Variants in DPF3 observed in about 807,000 individuals in gnomAD.
The protein encoded by DPF3 is double PHD fingers 3, also known as zinc finger protein DPF3.
Under a neutral mutation model 56.8 loss-of-function variants are expected in DPF3, and 18 were observed. The observed-to-expected ratio is 0.32, with a 90% CI of 0.22 to 0.47. The LOEUF is 0.47. Among genes scored for constraint, DPF3 ranks in the 20% least tolerant of loss-of-function variants. The probability of loss-of-function intolerance (pLI) is 1.00; values close to 1 mark genes in which losing one functional copy is unlikely to be tolerated. For synonymous variants in DPF3, 188 were observed against 180.2 expected (o/e 1.04, Z -0.35); for missense variants, 403 against 488.8 (o/e 0.82, Z 1.65).
intron 1 of DPF3, among the ~76,000 whole-genome samples, chr14:72,832,192 GGGCAACAGAGTAA>G (rs1176781635): frequency 1.2e-4 from 18 of 152,120 alleles, no homozygotes; most frequent in African/African-American, 4.1e-4. Context: ...ACTCTAGCCT[GGGCAACAGAGTAA>G]GACCATGTTT....
rs959708330 is a variant in DPF3 at position 72,828,541 on chromosome 14, A to AAAAAAC, written c.33-56649_33-56648insGTTTTT. 5.5e-4 allele frequency among the ~76,000 whole-genome samples: 83 copies of AAAAAAC among 151,208 alleles called. 2 individuals carry two copies. The highest frequency in any genetic ancestry group is 1.1e-3 in the Non-Finnish European group (72 of 67,738). Reference sequence around the variant, plus strand: ...CAACAAAGTGAGACCATGTCTTAAAAAAAAAAAAAAACTTAATATGATTTT... The same window carrying AAAAAAC: ...CAACAAAGTGAGACCATGTCTTAAAAAAAAACAAAAAAAAAAACTTAATATGATTTT... On this transcript the variant is annotated intron_variant, in intron 1 of 10. Transcript: ENST00000556509.
chr14:72,836,519 G>T lies in DPF3; in HGVS notation c.32+57538C>A, dbSNP rs1884302042. The T allele has an allele frequency of 6.1e-6, 6 of 985,246 alleles. No homozygotes were observed. The South Asian group carries it at 2.8e-4, about 46-fold the overall frequency. 61.0% of individuals were successfully genotyped at this position (985,246 alleles called of 1,614,324 possible). A position where few individuals can be genotyped will look rare whatever the true frequency, so the allele number is the denominator to read the frequency against. ...CCCTTGGGGTTCTGACCACCTCGTG[G>T]GGAGATTATGATTGCCCTGTGGTTG... is the stretch of plus-strand genomic sequence containing the variant. On this transcript the variant is annotated intron_variant, in intron 1 of 10. Coordinates refer to ENST00000556509, the MANE Select transcript of DPF3 (RefSeq NM_001280542.3).
rs751035173 is a variant in DPF3 at position 72,807,976 on chromosome 14, C to T, written c.33-36083G>A. Among the ~76,000 whole-genome samples, 19 of 152,186 alleles carry T rather than the reference C, an allele frequency of 1.2e-4. No individual in the cohort carries two copies. The Middle Eastern group carries it at 0.01, about 82-fold the overall frequency. The stretch of plus-strand genomic sequence containing the variant: ...CAAGAACCTGTCTCTAAAACAACAA[C>T]AACAACAACAACAAGTAATGTGAGA... On this transcript the variant is annotated intron_variant, in intron 1 of 10. Transcript: ENST00000556509.
Position 72,638,788 on chromosome 14 carries a change from G to A in DPF3, c.872-9052C>T, listed in dbSNP as rs558686624. Among the ~76,000 whole-genome samples the A allele has an allele frequency of 1.5e-4, 23 of 151,676 alleles. No individual in the cohort carries two copies. In the South Asian group the frequency reaches 3.1e-3, roughly 21 times the overall value. Reference sequence around the variant, plus strand: ...TACCTAGAAGTAGAGGACTGACAGTGTACTCATGACACTTAGACACTTTGT... The same window carrying A: ...TACCTAGAAGTAGAGGACTGACAGTATACTCATGACACTTAGACACTTTGT... On this transcript the variant is annotated intron_variant, in intron 8 of 10. Coordinates refer to ENST00000556509, the MANE Select transcript of DPF3 (RefSeq NM_001280542.3).
At chr14:72,756,566 A>G (rs2139908617) in intron 2 of DPF3, among the ~76,000 whole-genome samples, 1 of 152,270 alleles carries the variant, frequency 6.6e-6, no homozygotes, top group South Asian at 2.1e-4. Context: ...TAATCCCAGT[A>G]CTTTGGGAAG....
At chr14:72,750,296 A>G (rs963128596) in intron 3 of DPF3, among the ~76,000 whole-genome samples, 3 of 152,188 alleles carry the variant, frequency 2.0e-5, no homozygotes, top group African/African-American at 7.2e-5. Context: ...CTAGACTCCA[A>G]TAAAATAAAG....
Position 72,894,002 on chromosome 14 carries a change from C to CT in DPF3, c.32+54dup, listed in dbSNP as rs567292164. 103 of 1,599,522 alleles carry CT rather than the reference C, an allele frequency of 6.4e-5. 1 individual carries two copies. In the South Asian group the frequency reaches 6.4e-4, roughly 10 times the overall value. On this transcript the variant is annotated intron_variant, in intron 1 of 10. Coordinates refer to ENST00000556509, the MANE Select transcript of DPF3 (RefSeq NM_001280542.3). ...GCAGCGCTCGCCACGCAGAAGGCGC[C>CT]TTTTTTTTCATATTGAAACCACGCG... is the stretch of plus-strand genomic sequence containing the variant.
chr14:72,652,860 G>A (rs948164017), intron 8 of DPF3, among the ~76,000 whole-genome samples: 1 of 152,150 alleles, frequency 6.6e-6, no homozygotes, highest in Admixed American at 6.5e-5. Context: ...GTGAGACCAC[G>A]CTGTACAAGG....
chr14:72,842,843 G>A lies in DPF3; in HGVS notation c.32+51214C>T, dbSNP rs555278724. Among the ~76,000 whole-genome samples, 172 of 152,202 alleles carry A rather than the reference G, an allele frequency of 1.1e-3. 1 individual carries two copies. The highest frequency in any genetic ancestry group is 3.9e-3 in the African/African-American group (160 of 41,540). On this transcript the variant is annotated intron_variant, in intron 1 of 10. Coordinates refer to ENST00000556509, the MANE Select transcript of DPF3 (RefSeq NM_001280542.3). ...TTAAGACCAGCCTGGCCAACATGGC[G>A]AAACCCTGTCTCTACTAAAAATATA...
intron 1 of DPF3, among the ~76,000 whole-genome samples, chr14:72,868,504 G>A (rs1266556774): frequency 6.6e-6 from 1 of 152,144 alleles, no homozygotes; most frequent in Admixed American, 6.5e-5. Flanking sequence ...TCACCCCTAG[G>A]GATTTTGATT....
intron 1 of DPF3, among the ~76,000 whole-genome samples, chr14:72,777,389 T>G (rs1891787057): frequency 6.6e-6 from 1 of 152,254 alleles, no homozygotes; most frequent in African/African-American, 2.4e-5. Flanking sequence ...TTTATTTTCC[T>G]TGAAGTGGTC....
chr14:72,760,425 G>A (rs1031119115), intron 2 of DPF3, among the ~76,000 whole-genome samples: 1 of 152,120 alleles, frequency 6.6e-6, no homozygotes, highest in Admixed American at 6.6e-5. Context: ...ATTACATTAG[G>A]CCCACCTGGA....
intron 8 of DPF3, among the ~76,000 whole-genome samples, chr14:72,659,674 G>A (rs892473214): frequency 6.6e-6 from 1 of 152,210 alleles, no homozygotes; most frequent in Non-Finnish European, 1.5e-5. Context: ...ATTAGAGGGT[G>A]CAATCGCTTC....
chr14:72,716,336 A>G (rs73300115), intron 5 of DPF3, among the ~76,000 whole-genome samples: 2,830 of 152,116 alleles, frequency 0.019, 91 homozygotes, highest in African/African-American at 0.065. Context: ...CAAAATGGGG[A>G]TCGTGTCTAT....
At chr14:72,728,025 T>C (rs1256042932) in intron 4 of DPF3, among the ~76,000 whole-genome samples, 3 of 152,140 alleles carry the variant, frequency 2.0e-5, no homozygotes, top group Non-Finnish European at 4.4e-5. Flanking sequence ...ACCAGCCCAG[T>C]GCTGCATGAG....
intron 1 of DPF3, 48 bp downstream of exon 1, chr14:72,894,009 T>C: frequency 6.2e-7 from 1 of 1,604,386 alleles, no homozygotes; most frequent in South Asian, 1.1e-5. Flanking sequence ...CGCCTTTTTT[T>C]TCATATTGAA....
intron 1 of DPF3, among the ~76,000 whole-genome samples, chr14:72,859,249 G>A (rs1402607065): frequency 1.3e-5 from 2 of 152,122 alleles, no homozygotes; most frequent in Non-Finnish European, 2.9e-5. Context: ...GCTAGGTGAT[G>A]GGTATAAGAG....
intron 8 of DPF3, among the ~76,000 whole-genome samples, chr14:72,653,787 C>T (rs768121311): frequency 1.5e-4 from 23 of 152,184 alleles, no homozygotes; most frequent in Non-Finnish European, 2.5e-4. Flanking sequence ...GTAGTGTCAT[C>T]GCAGTTTCTC....
At chr14:72,774,262 T>TAA (rs777564213) in intron 1 of DPF3, among the ~76,000 whole-genome samples, 2,689 of 60,980 alleles carry the variant, frequency 0.044, 136 homozygotes, top group East Asian at 0.12. Flanking sequence ...AGACTCTGTC[T>TAA]AAAAAAAAAA....
Sources: allele counts gnomAD v4.1 joint callset (sites outside exome capture counted in the v4.1 genomes callset), GRCh38; gene constraint gnomAD v4.1.1; transcripts MANE v1.5; gene names NCBI Gene and HGNC (gene_info 2026-07-23, HGNC 2026-07-21).